Variants in ERI3 observed in about 807,000 individuals in gnomAD.
ERI3 encodes ERI1 exoribonuclease 3.
ERI3 carries 18 observed loss-of-function variants against 44.4 expected under a neutral mutation model. The ratio of observed to expected loss-of-function variants is 0.41; its 90% CI spans 0.28 to 0.60. ERI3 has a LOEUF of 0.60. ERI3 is among the 20% of genes least tolerant of loss of function. ERI3 has a pLI of 0.36. For missense variants in ERI3, 294 were observed against 435.5 expected (o/e 0.68, Z 2.89); for synonymous variants, 183 against 164.8 (o/e 1.11, Z -0.84).
At position 44,252,129 on chromosome 1, in the gene ERI3, G is replaced by A. The variant is rs1248270221; in HGVS notation, c.832-4091C>T. 6.6e-6 allele frequency among the ~76,000 whole-genome samples: 1 copy of A among 152,252 alleles called. No homozygotes were observed. Among genetic ancestry groups the A allele is most frequent in the Non-Finnish European group, 1.5e-5 (1 of 68,048 alleles). ...AGACAGAGGGTGGGGCAGGTAGGAA[G>A]ATGACTGAGGTGCTCCTGAGTCCTG... On this transcript the variant is annotated intron_variant, in intron 7 of 8. Coordinates refer to ENST00000372257, the MANE Select transcript of ERI3 (RefSeq NM_024066.3). This position sits in a 1 kb window ranked among gnomAD's most constrained non-coding sequence, Gnocchi z 4.7.
chr1:44,304,421 T>C (rs918373518), intron 6 of ERI3, among the ~76,000 whole-genome samples: 6 of 152,050 alleles, frequency 3.9e-5, no homozygotes, highest in Admixed American at 2.6e-4. Flanking sequence ...CCCAAGTGAC[T>C]GAGGAGGAGA....
rs1368242079 is a variant in ERI3 at position 44,339,123 on chromosome 1, G to A, written c.411C>T (p.Ser137=). 5.6e-6 allele frequency: 9 copies of A among 1,613,934 alleles called. No homozygotes were observed. The East Asian group carries it at 1.8e-4, about 32-fold the overall frequency. The part of the protein sequence containing the change: ...GFGASMAAMV[S]FPPQRYHYFL... The stretch of plus-strand genomic sequence containing the variant: ...AGTAGTGATACCTCTGGGGAGGGAA[G>A]GACACCATTGCCGCCATGGATGCGC... Residue 137 remains serine (S), a synonymous_variant, in exon 3 of 9, where the codon TCC becomes TCT. Coordinates refer to ENST00000372257, the MANE Select transcript of ERI3 (RefSeq NM_024066.3).
In ERI3 at chr1:44,339,336, A is replaced by T; in HGVS notation, c.212-14T>A. On this transcript the variant is annotated splice_polypyrimidine_tract_variant and intron_variant, in intron 2 of 8. Transcript: ENST00000372257. ...AAGCATCTAAAACTTAGGGGAGGAA[A>T]GTTTAAAAAAAAAAAAAAAAAAGAA... The T allele has an allele frequency of 1.6e-6, 2 of 1,268,184 alleles. No homozygotes were observed. The highest frequency in any genetic ancestry group is 2.1e-6 in the Non-Finnish European group (2 of 942,796). 78.6% of individuals were successfully genotyped at this position (1,268,184 alleles called of 1,614,324 possible). A position where few individuals can be genotyped will look rare whatever the true frequency, so the allele number is the denominator to read the frequency against.
At chr1:44,242,010 G>T in intron 8 of ERI3, 3 of 985,698 alleles carry the variant, frequency 3.0e-6, no homozygotes, top group Non-Finnish European at 3.6e-6. Context: ...GGGGCTCCAA[G>T]GGGGTCAGCT....
chr1:44,319,904 C>T (rs184299143), intron 3 of ERI3, among the ~76,000 whole-genome samples, 160 bp from the exon 4 acceptor site: 1 of 152,292 alleles, frequency 6.6e-6, no homozygotes. Flanking sequence ...GAGACGGCAC[C>T]AGCAGTTACA....
intron 6 of ERI3, among the ~76,000 whole-genome samples, chr1:44,307,433 A>G (rs560404586): frequency 8.5e-5 from 13 of 152,276 alleles, no homozygotes; most frequent in African/African-American, 2.9e-4. Context: ...ACACACACAC[A>G]GAGACACACA....
intron 7 of ERI3, among the ~76,000 whole-genome samples, chr1:44,283,261 T>C (rs1645325569): frequency 6.6e-6 from 1 of 152,198 alleles, no homozygotes; most frequent in Non-Finnish European, 1.5e-5. Flanking sequence ...AATTACTCAC[T>C]GAGCACATAC....
intron 8 of ERI3, among the ~76,000 whole-genome samples, chr1:44,237,114 T>G (rs890046570): frequency 2.6e-5 from 4 of 152,124 alleles, no homozygotes; most frequent in Non-Finnish European, 4.4e-5. Flanking sequence ...CTTCTCAGCA[T>G]CCTGAAGGCT....
At chr1:44,269,198 T>C (rs1645044386) in intron 7 of ERI3, among the ~76,000 whole-genome samples, 1 of 152,228 alleles carries the variant, frequency 6.6e-6, no homozygotes, top group South Asian at 2.1e-4. Flanking sequence ...GATCTCATAG[T>C]GGCAGAGGTA....
At chr1:44,310,972 CACACA>C (rs1645957801) in intron 5 of ERI3, among the ~76,000 whole-genome samples, 1 of 83,350 alleles carries the variant, frequency 1.2e-5, no homozygotes, top group Non-Finnish European at 2.9e-5. Context: ...CGCACACACA[CACACA>C]CACACACACA....
At position 44,354,575 on chromosome 1, in the gene ERI3, T is replaced by C. The variant is rs777348391; in HGVS notation, c.135+317A>G. On this transcript the variant is annotated intron_variant, in intron 1 of 8. Transcript: ENST00000372257. ...AGAGGTAAACTGCTAACCTGGTGTG[T>C]GGGCATGTGTTGGCGAGAGGGTCAA... 2.6e-5 allele frequency: 26 copies of C among 985,290 alleles called. No individual in the cohort carries two copies. The South Asian group carries it at 4.2e-4, about 16-fold the overall frequency. 61.0% of individuals were successfully genotyped at this position (985,290 alleles called of 1,614,324 possible).
chr1:44,270,680 G>C (rs980745258), intron 7 of ERI3, among the ~76,000 whole-genome samples: 2 of 152,166 alleles, frequency 1.3e-5, no homozygotes, highest in Non-Finnish European at 2.9e-5. Context: ...GCAGCAGCCA[G>C]CAAGAGAAGG....
intron 7 of ERI3, among the ~76,000 whole-genome samples, chr1:44,281,571 G>A (rs1572179289): frequency 7.3e-6 from 1 of 137,250 alleles, no homozygotes; most frequent in Non-Finnish European, 1.5e-5. Context: ...CTGGGTGACA[G>A]AGTGAGACCC....
chr1:44,351,605 T>C (rs937035555), intron 2 of ERI3, among the ~76,000 whole-genome samples: 9 of 152,232 alleles, frequency 5.9e-5, no homozygotes, highest in Non-Finnish European at 1.5e-5. Flanking sequence ...TTTACTATCT[T>C]ATCCATTACA....
intron 6 of ERI3, among the ~76,000 whole-genome samples, chr1:44,296,338 AG>A (rs1273845227): frequency 6.6e-6 from 1 of 152,128 alleles, no homozygotes; most frequent in Non-Finnish European, 1.5e-5. Flanking sequence ...ATGAGAGGGG[AG>A]GGGGCGAGCG....
chr1:44,339,887 G>A (rs939012224), intron 2 of ERI3, among the ~76,000 whole-genome samples: 6 of 152,190 alleles, frequency 3.9e-5, no homozygotes, highest in Non-Finnish European at 5.9e-5. Context: ...CAAACAAAGC[G>A]AATCACAGGG....
At chr1:44,222,376 GCTT>G (rs1388919336) in intron 8 of ERI3, among the ~76,000 whole-genome samples, 1 of 152,248 alleles carries the variant, frequency 6.6e-6, no homozygotes, top group Admixed American at 6.5e-5. Context: ...CGGAAGCCCT[GCTT>G]CTGTCCCAGT....
chr1:44,349,671 TATTA>T lies in ERI3; in HGVS notation c.211+3175_211+3178del, dbSNP rs1446844122. On this transcript the variant is annotated intron_variant, in intron 2 of 8. Transcript: ENST00000372257. ...AAATACTGGCTGCTTTTTAAAAACT[TATTA>T]ATTATATAAAATTTGATTAGTGATA... Among the ~76,000 whole-genome samples, 3 of 152,220 alleles carry T rather than the reference TATTA, an allele frequency of 2.0e-5. No homozygotes were observed. The East Asian group carries it at 5.8e-4, about 29-fold the overall frequency.
chr1:44,338,945 G>T, intron 3 of ERI3, 100 bp downstream of exon 3: 4 of 1,393,998 alleles, frequency 2.9e-6, no homozygotes, highest in Non-Finnish European at 4.0e-6. Flanking sequence ...CTAAAAGACA[G>T]GAAGGCATGA....
Sources: allele counts gnomAD v4.1 joint callset (sites outside exome capture counted in the v4.1 genomes callset), GRCh38; gene constraint gnomAD v4.1.1; non-coding constraint Gnocchi (gnomAD v3.1); transcripts MANE v1.5; gene names NCBI Gene and HGNC (gene_info 2026-07-23, HGNC 2026-07-21).